The following LINGO2 variants were observed in gnomAD, a reference collection of about 807,000 sequenced individuals.
LINGO2 encodes leucine rich repeat and Ig domain containing 2, also known as leucine-rich repeat and immunoglobulin-like domain-containing nogo receptor-interacting protein 2.
LINGO2 carries 14 observed loss-of-function variants against 30.6 expected under a neutral mutation model. The observed-to-expected ratio is 0.46, with a 90% CI of 0.30 to 0.72. The LOEUF (loss-of-function observed/expected upper bound fraction) is 0.72. LINGO2 is among the 30% of genes least tolerant of loss of function. The probability of loss-of-function intolerance (pLI) is 0.07; values close to 1 mark genes in which losing one functional copy is unlikely to be tolerated. For synonymous variants in LINGO2, 317 were observed against 288.5 expected (o/e 1.10, Z -1.00); for missense variants, 729 against 751.7 (o/e 0.97, Z 0.35).
At chr9:28,101,985 C>T (rs937006001) in intron 4 of LINGO2, among the ~76,000 whole-genome samples, 22 of 152,030 alleles carry the variant, frequency 1.4e-4, no homozygotes, top group African/African-American at 5.3e-4. Flanking sequence ...ACTGGTGTGA[C>T]AAATATAAGC....
chr9:28,512,584 T>G (rs1188037621), intron 1 of LINGO2, among the ~76,000 whole-genome samples: 19 of 2,452 alleles, frequency 7.7e-3, no homozygotes, highest in East Asian at 0.1. Context: ...TAACAGGATA[T>G]ATATGTGTGT....
At chr9:29,198,494 G>C in the LINGO2 span, among the ~76,000 whole-genome samples, 1 of 152,128 alleles carries the variant, frequency 6.6e-6, no homozygotes, top group Non-Finnish European at 1.5e-5. Flanking sequence ...AGAAGCTTAT[G>C]TGTATACACT....
intron 1 of LINGO2, among the ~76,000 whole-genome samples, chr9:28,546,973 C>T (rs2135484933): frequency 6.6e-6 from 1 of 152,160 alleles, no homozygotes; most frequent in South Asian, 2.1e-4. Context: ...TAATTCCCAT[C>T]AATTATTTCA....
At chr9:28,062,335 A>G (rs1825170299) in intron 4 of LINGO2, among the ~76,000 whole-genome samples, 1 of 151,554 alleles carries the variant, frequency 6.6e-6, no homozygotes, top group South Asian at 2.1e-4. Flanking sequence ...TCAGAGTTAT[A>G]CATCCATCAA....
chr9:28,702,005 C>T, the LINGO2 span, among the ~76,000 whole-genome samples: 1 of 151,766 alleles, frequency 6.6e-6, no homozygotes, highest in Non-Finnish European at 1.5e-5. Context: ...TTATGAGTTC[C>T]AGGACTTTGT....
chr9:28,886,305 T>C, the LINGO2 span, among the ~76,000 whole-genome samples: 136,295 of 152,102 alleles, frequency 0.9, 61,346 homozygotes, highest in Non-Finnish European at 0.94. Flanking sequence ...GCTCAAAAAA[T>C]TGGATCTAAG....
chr9:29,161,424 T>A, the LINGO2 span, among the ~76,000 whole-genome samples: 1 of 152,220 alleles, frequency 6.6e-6, no homozygotes, highest in African/African-American at 2.4e-5. Flanking sequence ...CATAAGCTTA[T>A]TAACTTCCAC....
intron 1 of LINGO2, among the ~76,000 whole-genome samples, chr9:28,636,421 C>T (rs1016398067): frequency 6.6e-6 from 1 of 152,144 alleles, no homozygotes; most frequent in Non-Finnish European, 1.5e-5. Flanking sequence ...AATGGTTGAA[C>T]TAGTTTATAG....
chr9:28,054,627 C>T (rs1824833701), intron 4 of LINGO2, among the ~76,000 whole-genome samples: 1 of 152,002 alleles, frequency 6.6e-6, no homozygotes, highest in Non-Finnish European at 1.5e-5. Flanking sequence ...CAAAAGTGAA[C>T]AAAAACAGAG....
the LINGO2 span, among the ~76,000 whole-genome samples, chr9:29,027,487 G>A: frequency 2.3e-4 from 35 of 151,960 alleles, no homozygotes; most frequent in Non-Finnish European, 3.2e-4. Flanking sequence ...ACAGGCACAC[G>A]CCACCACACT....
At chr9:28,988,154 T>A in the LINGO2 span, among the ~76,000 whole-genome samples, 7 of 152,230 alleles carry the variant, frequency 4.6e-5, no homozygotes, top group African/African-American at 1.7e-4. Flanking sequence ...ATCATTGCAA[T>A]ATAGTGTATC....
At chr9:29,189,940 G>A in the LINGO2 span, among the ~76,000 whole-genome samples, 1 of 150,914 alleles carries the variant, frequency 6.6e-6, no homozygotes, top group Non-Finnish European at 1.5e-5. Context: ...CAGGGAGGTT[G>A]CAGTGAGCCG....
chr9:28,150,794 G>A (rs1474732337), intron 4 of LINGO2, among the ~76,000 whole-genome samples: 5 of 152,048 alleles, frequency 3.3e-5, no homozygotes, highest in African/African-American at 7.3e-5. Flanking sequence ...CTCGTAAAGC[G>A]CCTGTACCAT....
At chr9:28,865,509 G>A in the LINGO2 span, among the ~76,000 whole-genome samples, 1 of 152,104 alleles carries the variant, frequency 6.6e-6, no homozygotes, top group African/African-American at 2.4e-5. Context: ...CTGGCCGGGT[G>A]TGGTGGTTCA....
the LINGO2 span, among the ~76,000 whole-genome samples, chr9:29,016,715 C>G: frequency 6.6e-6 from 1 of 152,204 alleles, no homozygotes; most frequent in South Asian, 2.1e-4. Flanking sequence ...TTTTTAAGAA[C>G]TATATCTTTT....
chr9:28,496,309 G>A (rs1819626640), intron 1 of LINGO2, among the ~76,000 whole-genome samples: 1 of 152,088 alleles, frequency 6.6e-6, no homozygotes, highest in South Asian at 2.1e-4. Flanking sequence ...CTCTCTGTAG[G>A]TCTCTAAGGA....
chr9:28,445,858 GA>G lies in LINGO2; in HGVS notation c.-279+30081del, dbSNP rs533952332. Among the ~76,000 whole-genome samples, 49 of 151,976 alleles carry G rather than the reference GA, an allele frequency of 3.2e-4. 1 individual carries two copies. Among genetic ancestry groups the G allele is most frequent in the Middle Eastern group, 3.4e-3 (1 of 294 alleles). On this transcript the variant is annotated intron_variant, in intron 2 of 5. Coordinates refer to ENST00000379992, the Ensembl canonical transcript of LINGO2. Reference sequence around the variant, plus strand: ...TGATTCTCTGTTAACCCAGAAGGGGGAAAAAAACATGATTATGGGTTATGAT... The same window carrying G: ...TGATTCTCTGTTAACCCAGAAGGGGGAAAAAACATGATTATGGGTTATGAT...
At chr9:28,678,528 T>A in the LINGO2 span, among the ~76,000 whole-genome samples, 1 of 152,164 alleles carries the variant, frequency 6.6e-6, no homozygotes, top group Non-Finnish European at 1.5e-5. Flanking sequence ...TGAGTTTAAA[T>A]CTTGAGTGCA....
the LINGO2 span, among the ~76,000 whole-genome samples, chr9:28,792,767 G>A: frequency 1.3e-5 from 2 of 152,238 alleles, no homozygotes; most frequent in South Asian, 4.1e-4. Context: ...TACCTAGAGT[G>A]CTTATGAAGA....
Sources: allele counts gnomAD v4.1 joint callset (sites outside exome capture counted in the v4.1 genomes callset), GRCh38; gene constraint gnomAD v4.1.1; transcripts MANE v1.5; gene names NCBI Gene and HGNC (gene_info 2026-07-23, HGNC 2026-07-21).